MYO3B: variants seen among roughly 807,000 people sequenced by gnomAD.
MYO3B encodes myosin IIIB.
A neutral mutation model predicts 174.6 loss-of-function variants in MYO3B; 156 were observed. The ratio of observed to expected loss-of-function variants is 0.89; its 90% CI spans 0.78 to 1.02. The LOEUF (loss-of-function observed/expected upper bound fraction) is 1.02. MYO3B is among the 50% of genes least tolerant of loss of function. The pLI, the probability that MYO3B is intolerant of heterozygous loss-of-function variation, is 0.00. For missense variants in MYO3B, 1,632 were observed against 1,639.4 expected, an observed-to-expected ratio of 1.00 and a Z score of 0.08; for synonymous variants, 563 against 569.1, an observed-to-expected ratio of 0.99 and a Z score of 0.15.
chr2:170,188,983 C>A (rs1357068717), intron 1 of MYO3B, among the ~76,000 whole-genome samples: 2 of 152,058 alleles, frequency 1.3e-5, no homozygotes, highest in African/African-American at 4.8e-5. Flanking sequence ...TTTTTGACAT[C>A]CTTTTTTTCA....
intron 25 of MYO3B, among the ~76,000 whole-genome samples, chr2:170,479,453 T>TTA (rs1257228981): frequency 6.9e-6 from 1 of 145,900 alleles, no homozygotes; most frequent in Non-Finnish European, 1.5e-5. Flanking sequence ...AATATAGATT[T>TTA]TATATATATA....
chr2:170,558,680 G>A (rs965329566), intron 32 of MYO3B, among the ~76,000 whole-genome samples: 4 of 152,114 alleles, frequency 2.6e-5, no homozygotes, highest in Non-Finnish European at 4.4e-5. Context: ...TCATGTTTCT[G>A]TTGATGGGCA....
At chr2:170,311,091 G>A (rs2093736145) in intron 7 of MYO3B, among the ~76,000 whole-genome samples, 2 of 152,158 alleles carry the variant, frequency 1.3e-5, no homozygotes, top group South Asian at 4.2e-4. Context: ...ACATGCATGT[G>A]TGTATGCTTG....
chr2:170,630,373 G>C (rs879722281), intron 32 of MYO3B, among the ~76,000 whole-genome samples: 4 of 152,214 alleles, frequency 2.6e-5, no homozygotes, highest in Non-Finnish European at 5.9e-5. Context: ...GCTGAGGCTT[G>C]AGTAGGTAAA....
At chr2:170,524,341 T>C (rs1256785215) in intron 30 of MYO3B, among the ~76,000 whole-genome samples, 1 of 152,184 alleles carries the variant, frequency 6.6e-6, no homozygotes, top group Admixed American at 6.5e-5. Context: ...CCCCATCAGC[T>C]AGTCGAGGAA....
intron 32 of MYO3B, among the ~76,000 whole-genome samples, chr2:170,580,880 A>G (rs1226180458): frequency 6.6e-6 from 1 of 152,108 alleles, no homozygotes; most frequent in African/African-American, 2.4e-5. Context: ...ATACATATAG[A>G]ACTCTCATTA....
intron 7 of MYO3B, among the ~76,000 whole-genome samples, chr2:170,317,251 G>A (rs1280400285): frequency 1.3e-5 from 2 of 152,010 alleles, no homozygotes; most frequent in Non-Finnish European, 2.9e-5. Context: ...ATTTTGGTTT[G>A]TGACTTTGAT....
At chr2:170,380,348 T>C (rs2094326267) in intron 9 of MYO3B, among the ~76,000 whole-genome samples, 1 of 146,910 alleles carries the variant, frequency 6.8e-6, no homozygotes, top group Non-Finnish European at 1.6e-5. Flanking sequence ...GTACATGTTT[T>C]CAACTTTATT....
At chr2:170,312,508 G>T (rs1042356946) in intron 7 of MYO3B, among the ~76,000 whole-genome samples, 1 of 152,358 alleles carries the variant, frequency 6.6e-6, no homozygotes, top group Admixed American at 6.5e-5. Context: ...CCTAGGCAAG[G>T]GTTCTGACCC....
At chr2:170,593,591 T>C (rs1693955215) in intron 32 of MYO3B, among the ~76,000 whole-genome samples, 1 of 152,364 alleles carries the variant, frequency 6.6e-6, no homozygotes, top group South Asian at 2.1e-4. Flanking sequence ...CTCTCCTGCC[T>C]CTTAGCAAGA....
At chr2:170,350,557 G>A (rs1018345093) in intron 8 of MYO3B, 1 of 152,166 alleles carries the variant, frequency 6.6e-6, no homozygotes, top group Non-Finnish European at 1.5e-5. Context: ...ACCATTTGAA[G>A]GCTGCCTTAG....
chr2:170,634,138 A>G (rs1697258539), intron 32 of MYO3B, among the ~76,000 whole-genome samples: 1 of 152,218 alleles, frequency 6.6e-6, no homozygotes, highest in South Asian at 2.1e-4. Context: ...ATATGGAAAC[A>G]AAAAAGAGCC....
chr2:170,451,175 CTT>C (rs1405426338), intron 23 of MYO3B, among the ~76,000 whole-genome samples: 13 of 152,214 alleles, frequency 8.5e-5, no homozygotes, highest in Non-Finnish European at 5.9e-5. Context: ...ATGTAAAACT[CTT>C]TTTCCAGTGG....
At chr2:170,250,551 C>T (rs1304981582) in intron 7 of MYO3B, among the ~76,000 whole-genome samples, 1 of 152,128 alleles carries the variant, frequency 6.6e-6, no homozygotes, top group South Asian at 2.1e-4. Flanking sequence ...CCCAAGTGGG[C>T]GTGTGTTACA....
At chr2:170,475,909 C>T (rs1030551622) in intron 25 of MYO3B, among the ~76,000 whole-genome samples, 1 of 152,242 alleles carries the variant, frequency 6.6e-6, no homozygotes, top group African/African-American at 2.4e-5. Context: ...ACTGTTTCTT[C>T]TGCAAGAGCA....
chr2:170,274,792 G>T (rs11893461), intron 7 of MYO3B, among the ~76,000 whole-genome samples: 121,568 of 152,002 alleles, frequency 0.8, 50,997 homozygotes, highest in East Asian at 0.93. Context: ...TAATAAAGAA[G>T]CAATAAAAAA....
chr2:170,216,873 A>G (rs1466488851), intron 5 of MYO3B, among the ~76,000 whole-genome samples: 1 of 132,902 alleles, frequency 7.5e-6, no homozygotes, highest in East Asian at 2.2e-4. Context: ...TGATATAGAC[A>G]GGGATGTCCA....
chr2:170,325,589 T>C (rs2093860710), intron 7 of MYO3B, among the ~76,000 whole-genome samples: 1 of 152,202 alleles, frequency 6.6e-6, no homozygotes, highest in Admixed American at 6.5e-5. Flanking sequence ...CCCAAACTGA[T>C]AGATGCTAGA....
At chr2:170,510,228 G>A (rs957582842) in intron 28 of MYO3B, among the ~76,000 whole-genome samples, 25 of 152,118 alleles carry the variant, frequency 1.6e-4, no homozygotes, top group Admixed American at 7.2e-4. Context: ...TTCCTCTGAT[G>A]GATTAGAAGC....
Sources: gnomAD v4.1 joint callset for allele counts (sites outside exome capture counted in the v4.1 genomes callset) on GRCh38, gnomAD v4.1.1 for gene constraint, MANE v1.5 for transcripts, NCBI Gene and HGNC (gene_info 2026-07-23, HGNC 2026-07-21) for gene names.